Variants in SCHIP1 observed in about 807,000 individuals in gnomAD.
SCHIP1 encodes the protein schwannomin-interacting protein 1.
Under a neutral mutation model 29.7 loss-of-function variants are expected in SCHIP1, and 8 were observed. The observed-to-expected ratio is 0.27, with a 90% CI of 0.16 to 0.49. SCHIP1 has a LOEUF of 0.49. Among genes scored for constraint, SCHIP1 ranks in the 20% least tolerant of loss-of-function variants. SCHIP1 has a pLI of 0.99. For missense variants in SCHIP1, 193 were observed against 294.6 expected, an observed-to-expected ratio of 0.66 and a Z score of 2.52; for synonymous variants, 76 against 94.9, an observed-to-expected ratio of 0.80 and a Z score of 1.16.
chr3:159,782,750 C>T, the SCHIP1 span, among the ~76,000 whole-genome samples: 78 of 152,302 alleles, frequency 5.1e-4, no homozygotes, highest in African/African-American at 1.6e-3. Context: ...ATTCAATGTG[C>T]GCTGCTCTCT....
At chr3:159,684,636 T>A in the SCHIP1 span, among the ~76,000 whole-genome samples, 1 of 151,588 alleles carries the variant, frequency 6.6e-6, no homozygotes, top group Admixed American at 6.6e-5. Flanking sequence ...AAACCCCATC[T>A]CTACTAAAAA....
chr3:159,714,108 G>A, the SCHIP1 span, among the ~76,000 whole-genome samples: 3 of 152,078 alleles, frequency 2.0e-5, no homozygotes, highest in African/African-American at 7.2e-5. Context: ...GTGGTGGGAG[G>A]CACCTGTAGC....
chr3:159,427,599 C>A, the SCHIP1 span, among the ~76,000 whole-genome samples: 4 of 151,950 alleles, frequency 2.6e-5, no homozygotes, highest in African/African-American at 9.6e-5. Flanking sequence ...GAATCAATAT[C>A]GTGAAAATGG....
intron 1 of SCHIP1, among the ~76,000 whole-genome samples, chr3:159,854,575 C>T (rs964903329): frequency 3.3e-5 from 5 of 152,154 alleles, no homozygotes; most frequent in Admixed American, 6.5e-5. Context: ...GGTGATAGTT[C>T]GCTGAGTCTC....
At chr3:159,666,110 T>A in the SCHIP1 span, among the ~76,000 whole-genome samples, 315 of 152,136 alleles carry the variant, frequency 2.1e-3, no homozygotes, top group African/African-American at 7.4e-3. Flanking sequence ...AATAATGAAC[T>A]CCAATCCCAG....
chr3:159,578,273 T>G, the SCHIP1 span, among the ~76,000 whole-genome samples: 1 of 152,192 alleles, frequency 6.6e-6, no homozygotes, highest in Non-Finnish European at 1.5e-5. Context: ...TAATCCAGAT[T>G]GCGAGGCACT....
At chr3:159,575,416 C>T in the SCHIP1 span, among the ~76,000 whole-genome samples, 2 of 151,944 alleles carry the variant, frequency 1.3e-5, no homozygotes, top group Non-Finnish European at 2.9e-5. Context: ...TACTTGCTTA[C>T]TTGGAAATTG....
chr3:159,705,432 C>G, the SCHIP1 span, among the ~76,000 whole-genome samples: 2 of 152,124 alleles, frequency 1.3e-5, no homozygotes, highest in East Asian at 3.9e-4. Flanking sequence ...AACCAAAGCA[C>G]CATCTTGAGG....
the SCHIP1 span, among the ~76,000 whole-genome samples, chr3:159,345,594 C>A: frequency 6.6e-6 from 1 of 151,936 alleles, no homozygotes; most frequent in Non-Finnish European, 1.5e-5. Context: ...CACTCATTCA[C>A]TCACACCCTC....
At chr3:159,387,762 C>T in the SCHIP1 span, among the ~76,000 whole-genome samples, 1 of 152,148 alleles carries the variant, frequency 6.6e-6, no homozygotes, top group African/African-American at 2.4e-5. Context: ...AACAGATACA[C>T]ACATTATACA....
chr3:159,587,288 C>T, the SCHIP1 span, among the ~76,000 whole-genome samples: 65 of 151,794 alleles, frequency 4.3e-4, no homozygotes, highest in Admixed American at 1.2e-3. Context: ...TTCTTTTAAA[C>T]GAAAGTATCT....
At chr3:159,444,685 G>T in the SCHIP1 span, among the ~76,000 whole-genome samples, 155 of 152,284 alleles carry the variant, frequency 1.0e-3, no homozygotes, top group African/African-American at 3.3e-3. Flanking sequence ...GATGAGAGAT[G>T]TAGCAAATCA....
the SCHIP1 span, chr3:159,764,683 G>T: frequency 6.3e-7 from 1 of 1,585,902 alleles, no homozygotes; most frequent in Non-Finnish European, 8.6e-7. This position sits in a 1 kb window ranked among gnomAD's most constrained non-coding sequence, Gnocchi z 6.1. Context: ...GGAGGAGGAG[G>T]AAGAGGAGGA....
chr3:159,557,319 A>T, the SCHIP1 span, among the ~76,000 whole-genome samples: 2 of 152,210 alleles, frequency 1.3e-5, no homozygotes, highest in Non-Finnish European at 2.9e-5. Flanking sequence ...TTAAAGAGAA[A>T]AATGTTTGTA....
At chr3:159,464,418 C>T in the SCHIP1 span, among the ~76,000 whole-genome samples, 1 of 152,166 alleles carries the variant, frequency 6.6e-6, no homozygotes, top group African/African-American at 2.4e-5. Context: ...CTAGATCTGG[C>T]ACTAAATGTT....
chr3:159,680,639 T>A, the SCHIP1 span, among the ~76,000 whole-genome samples: 14 of 42,622 alleles, frequency 3.3e-4, no homozygotes, highest in Admixed American at 4.4e-4. Flanking sequence ...ATTTTATATA[T>A]TATATAATAT....
At chr3:159,489,617 C>A in the SCHIP1 span, among the ~76,000 whole-genome samples, 3 of 151,996 alleles carry the variant, frequency 2.0e-5, no homozygotes, top group African/African-American at 7.3e-5. Flanking sequence ...ATAAGAATTA[C>A]AATGAATGTT....
the SCHIP1 span, chr3:159,808,336 A>G: frequency 1.3e-5 from 2 of 152,178 alleles, no homozygotes; most frequent in East Asian, 3.8e-4. Context: ...CTACCTTACT[A>G]ACAGAACCCT....
At chr3:159,896,286 A>AT (rs1442679003) in intron 6 of SCHIP1, among the ~76,000 whole-genome samples, 9 of 152,234 alleles carry the variant, frequency 5.9e-5, no homozygotes, top group Middle Eastern at 3.4e-3. Flanking sequence ...CTTCGTGCTT[A>AT]TTTCCATCTG....
Sources: allele counts gnomAD v4.1 joint callset (sites outside exome capture counted in the v4.1 genomes callset), GRCh38; gene constraint gnomAD v4.1.1; non-coding constraint Gnocchi (gnomAD v3.1); transcripts MANE v1.5; gene names NCBI Gene and HGNC (gene_info 2026-07-23, HGNC 2026-07-21).